The following SUMF1 variants were observed in gnomAD, a reference collection of about 807,000 sequenced individuals.
SUMF1 encodes formylglycine-generating enzyme.
SUMF1 carries 48 observed loss-of-function variants against 47.6 expected under a neutral mutation model. The ratio of observed to expected loss-of-function variants is 1.01; its 90% CI spans 0.80 to 1.28. The LOEUF (loss-of-function observed/expected upper bound fraction) is 1.28. SUMF1 is among the 50% of genes most tolerant of loss of function. The pLI is 0.00. For synonymous variants in SUMF1, 230 were observed against 192.1 expected, an observed-to-expected ratio of 1.20 and a Z score of -1.63; for missense variants, 571 against 485.4, an observed-to-expected ratio of 1.18 and a Z score of -1.66.
intron 8 of SUMF1, among the ~76,000 whole-genome samples, chr3:4,337,530 A>C (rs113005021): frequency 1.1e-3 from 170 of 152,154 alleles, no homozygotes; most frequent in African/African-American, 3.8e-3. Context: ...TGCTAATCCC[A>C]CTAATTCCAA....
intron 8 of SUMF1, among the ~76,000 whole-genome samples, chr3:4,366,145 T>G (rs1699948399): frequency 6.6e-6 from 1 of 151,944 alleles, no homozygotes; most frequent in Admixed American, 6.6e-5. Context: ...TGGCTGCCCT[T>G]AGCATTTTTT....
At chr3:4,243,718 G>A (rs915653742) in intron 8 of SUMF1, among the ~76,000 whole-genome samples, 9 of 152,150 alleles carry the variant, frequency 5.9e-5, no homozygotes, top group African/African-American at 2.2e-4. Context: ...ATGATGTGGT[G>A]CTGAGAAGAA....
chr3:4,446,235 C>G (rs1702776217), intron 3 of SUMF1, among the ~76,000 whole-genome samples: 1 of 152,180 alleles, frequency 6.6e-6, no homozygotes, highest in African/African-American at 2.4e-5. Flanking sequence ...GGGAGGGACT[C>G]AGTGGGAGGT....
chr3:4,276,592 T>C (rs1697421845), intron 8 of SUMF1, among the ~76,000 whole-genome samples: 1 of 152,182 alleles, frequency 6.6e-6, no homozygotes, highest in South Asian at 2.1e-4. Flanking sequence ...ACATGATTTA[T>C]CAGTTCCTTC....
chr3:4,425,158 G>A (rs1702029015), intron 3 of SUMF1, among the ~76,000 whole-genome samples: 1 of 152,174 alleles, frequency 6.6e-6, no homozygotes, highest in African/African-American at 2.4e-5. Context: ...TAGTAGCATA[G>A]TGGTAAGAGT....
chr3:4,138,308 C>T (rs1693992373), intron 8 of SUMF1, among the ~76,000 whole-genome samples: 1 of 152,090 alleles, frequency 6.6e-6, no homozygotes, highest in Non-Finnish European at 1.5e-5. Flanking sequence ...GACCTTTCAC[C>T]TCAACTATCA....
chr3:4,306,535 C>A (rs529506709), intron 8 of SUMF1, among the ~76,000 whole-genome samples: 1 of 152,084 alleles, frequency 6.6e-6, no homozygotes, highest in African/African-American at 2.4e-5. Flanking sequence ...TGCACAGCTC[C>A]CAATAAAGTT....
rs956294510 is a variant in SUMF1 at position 4,444,210 on chromosome 3, A to G, written c.519+5056T>C. ...AAAATAAATGTGAACCAAAGATTTC[A>G]TATCCAGAAAAGTTGACTTTAAAGT... On this transcript the variant is annotated intron_variant, in intron 3 of 8. Transcript: ENST00000272902. 2.4e-4 allele frequency among the ~76,000 whole-genome samples: 36 copies of G among 152,254 alleles called. 1 individual carries two copies. The highest frequency in any genetic ancestry group is 6.5e-5 in the Admixed American group (1 of 15,284).
intron 8 of SUMF1, among the ~76,000 whole-genome samples, chr3:4,168,063 A>T (rs908943214): frequency 2.0e-5 from 3 of 152,152 alleles, no homozygotes; most frequent in African/African-American, 7.2e-5. Context: ...GGCACTTGGC[A>T]CTGACCATTA....
At chr3:4,232,384 A>T (rs1228035915) in intron 8 of SUMF1, among the ~76,000 whole-genome samples, 1 of 152,108 alleles carries the variant, frequency 6.6e-6, no homozygotes, top group African/African-American at 2.4e-5. Context: ...CTCAGTCAAG[A>T]TTCAAAATTC....
At chr3:4,064,452 G>A (rs1330495278) in intron 9 of SUMF1, among the ~76,000 whole-genome samples, 1 of 152,102 alleles carries the variant, frequency 6.6e-6, no homozygotes, top group East Asian at 1.9e-4. Flanking sequence ...GAAAACTCAT[G>A]AATAAGCCAC....
intron 8 of SUMF1, among the ~76,000 whole-genome samples, chr3:4,343,907 T>C (rs574960080): frequency 8.5e-5 from 13 of 152,350 alleles, no homozygotes; most frequent in African/African-American, 3.1e-4. Flanking sequence ...ATAACTCACA[T>C]ATTCATCAGT....
intron 9 of SUMF1, among the ~76,000 whole-genome samples, chr3:4,036,600 C>T (rs1393157331): frequency 1.6e-5 from 2 of 124,994 alleles, no homozygotes; most frequent in Non-Finnish European, 3.3e-5. Flanking sequence ...TGCTATGATC[C>T]TCAGAAATGA....
chr3:4,285,214 A>C (rs1697608978), intron 8 of SUMF1, among the ~76,000 whole-genome samples: 1 of 152,204 alleles, frequency 6.6e-6, no homozygotes, highest in African/African-American at 2.4e-5. Context: ...TGCTTAAAGT[A>C]GTTTGACTTA....
At chr3:4,114,363 C>G (rs972272869) in intron 8 of SUMF1, among the ~76,000 whole-genome samples, 10 of 152,072 alleles carry the variant, frequency 6.6e-5, no homozygotes, top group Non-Finnish European at 1.3e-4. Flanking sequence ...TCTAGACTAC[C>G]ATGTGATGAA....
intron 8 of SUMF1, among the ~76,000 whole-genome samples, chr3:4,299,020 T>C (rs185929534): frequency 1.3e-5 from 2 of 152,374 alleles, no homozygotes; most frequent in East Asian, 3.9e-4. Context: ...TAAAGATCCA[T>C]AGCACTTTAC....
chr3:4,143,992 T>C (rs946789444), intron 8 of SUMF1, among the ~76,000 whole-genome samples: 12 of 149,518 alleles, frequency 8.0e-5, no homozygotes, highest in Admixed American at 4.0e-4. Flanking sequence ...CTCTCTCTTT[T>C]TTTTTTTTTT....
intron 8 of SUMF1, among the ~76,000 whole-genome samples, chr3:4,245,812 C>G (rs984243736): frequency 6.6e-6 from 1 of 152,310 alleles, no homozygotes; most frequent in East Asian, 1.9e-4. Context: ...CAGAAGCTGT[C>G]TGCTGCCTTT....
At chr3:4,048,885 G>T (rs575555430) in intron 9 of SUMF1, among the ~76,000 whole-genome samples, 1 of 152,030 alleles carries the variant, frequency 6.6e-6, no homozygotes, top group South Asian at 2.1e-4. Flanking sequence ...CACTTCATAG[G>T]AACTCAATAA....
Sources: allele counts gnomAD v4.1 joint callset (sites outside exome capture counted in the v4.1 genomes callset), GRCh38; gene constraint gnomAD v4.1.1; transcripts MANE v1.5; gene names NCBI Gene and HGNC (gene_info 2026-07-23, HGNC 2026-07-21).